The following UBA5 variants were observed in gnomAD, a reference collection of about 807,000 sequenced individuals.
The protein encoded by UBA5 is ubiquitin like modifier activating enzyme 5.
A neutral mutation model predicts 52.9 loss-of-function variants in UBA5; 28 were observed. The ratio of observed to expected loss-of-function variants is 0.53; its 90% CI spans 0.39 to 0.73. UBA5 has a LOEUF of 0.73. Among genes scored for constraint, UBA5 ranks in the 30% least tolerant of loss-of-function variants. The probability of loss-of-function intolerance (pLI) is 0.00; values close to 1 mark genes in which losing one functional copy is unlikely to be tolerated. For synonymous variants in UBA5, 135 were observed against 162.1 expected (o/e 0.83, Z 1.27); for missense variants, 388 against 492.7 (o/e 0.79, Z 2.01).
Position 132,676,526 on chromosome 3 carries a change from GATAATGGACT to G in UBA5, c.*1_*10del. ...TCATGGCCAAAATGAAGAATATGTA[GATAATGGACT>G]GGGATATATTGTATTTCTCATGTTA... On this transcript the variant is annotated 3_prime_UTR_variant, in exon 12 of 12. Transcript: ENST00000356232. The surrounding 1 kb of genome is among the most constrained non-coding windows in gnomAD (Gnocchi z 4.1). 2 of 1,599,508 alleles carry G rather than the reference GATAATGGACT, an allele frequency of 1.3e-6. No homozygotes were observed. Among genetic ancestry groups the G allele is most frequent in the Non-Finnish European group, 8.5e-7 (1 of 1,171,026 alleles).
At chr3:132,662,368 C>T (rs563983366) in intron 1 of UBA5, among the ~76,000 whole-genome samples, 9 of 152,234 alleles carry the variant, frequency 5.9e-5, no homozygotes, top group African/African-American at 1.9e-4. Flanking sequence ...GTATTGAGTA[C>T]TTATTGTGTG....
At chr3:132,662,836 A>G (rs1016104767) in intron 1 of UBA5, among the ~76,000 whole-genome samples, 2 of 152,200 alleles carry the variant, frequency 1.3e-5, no homozygotes, top group African/African-American at 4.8e-5. Flanking sequence ...GCAGTTGATT[A>G]ACCCAAACCG....
At chr3:132,672,924 G>A (rs1430538073) in intron 8 of UBA5, among the ~76,000 whole-genome samples, 2 of 152,068 alleles carry the variant, frequency 1.3e-5, no homozygotes, top group Non-Finnish European at 2.9e-5. Flanking sequence ...TCTAATTCAG[G>A]CTATTTATTT....
At chr3:132,660,230 C>G (rs574176889), upstream of UBA5, 90 of 522,558 alleles carry the variant, frequency 1.7e-4, 2 homozygotes, top group South Asian at 1.9e-3. The surrounding 1 kb of genome is among the most constrained non-coding windows in gnomAD (Gnocchi z 4.1). Flanking sequence ...GCCCTGGACA[C>G]TTATCACCCC....
intron 1 of UBA5, among the ~76,000 whole-genome samples, chr3:132,665,079 A>G (rs1409915531): frequency 6.6e-6 from 1 of 152,068 alleles, no homozygotes; most frequent in Non-Finnish European, 1.5e-5. Flanking sequence ...CAATATTGGG[A>G]AGTTGGTGGG....
In UBA5 at chr3:132,660,541, G is replaced by A. The variant is rs1434532239; in HGVS notation, c.4G>A (p.Ala2Thr). M[A>T]ESVERLQQRV... The stretch of plus-strand genomic sequence containing the variant: ...GTTGGCGGCCGGAGTCCCAGCCATG[G>A]CGGAGTCTGTGGAGCGCCTGCAGCA... The change falls in exon 1 of 12, where the codon GCG (alanine) becomes ACG (threonine). Residue 2 changes from alanine to threonine, a missense_variant. Physicochemically the swap from Ala to Thr is moderately conservative, Grantham distance 58 (BLOSUM62 0). Coordinates refer to ENST00000356232, the MANE Select transcript of UBA5 (RefSeq NM_024818.6). This position sits in a 1 kb window ranked among gnomAD's most constrained non-coding sequence, Gnocchi z 4.1. 13 of 1,548,864 alleles carry A rather than the reference G, an allele frequency of 8.4e-6. No individual in the cohort carries two copies. The highest frequency in any genetic ancestry group is 1.4e-5 in the African/African-American group (1 of 73,132).
rs1456351765 is a variant in UBA5 at position 132,675,430 on chromosome 3, A to T, written c.948+47A>T. 2.5e-6 allele frequency: 4 copies of T among 1,591,242 alleles called. No individual in the cohort carries two copies. The Admixed American group carries it at 5.1e-5, about 20-fold the overall frequency. ...TGCATGAGGGATCATATTGAATAGG[A>T]CAATACATAAACAGATTTGGAATAC... On this transcript the variant is annotated intron_variant, in intron 9 of 11. Coordinates refer to ENST00000356232, the MANE Select transcript of UBA5 (RefSeq NM_024818.6).
In UBA5 at chr3:132,663,374, A is replaced by G. The variant is rs143908605; in HGVS notation, c.162-2449A>G. On this transcript the variant is annotated intron_variant, in intron 1 of 11. Transcript: ENST00000356232. ...TTCATTAGAAAGAGTAAAATAGAAG[A>G]TTTCCAAGAATAATTGGGGCAGGTC... Among the ~76,000 whole-genome samples the G allele has an allele frequency of 1.2e-3, 183 of 152,270 alleles. 1 individual carries two copies. The highest frequency in any genetic ancestry group is 3.8e-3 in the African/African-American group (157 of 41,548).
intron 4 of UBA5, 143 bp from the exon 5 acceptor site, chr3:132,670,051 TCTCA>T: frequency 1.8e-6 from 1 of 562,328 alleles, no homozygotes; most frequent in Non-Finnish European, 3.2e-6. Flanking sequence ...AGAGACAGGG[TCTCA>T]CTCTGTCCCC....
At chr3:132,666,239 A>C in intron 3 of UBA5, 166 bp downstream of exon 3, 1 of 583,964 alleles carries the variant, frequency 1.7e-6, no homozygotes, top group Non-Finnish European at 3.0e-6. Flanking sequence ...CCCAAACAAA[A>C]GGTGATATTA....
intron 2 of UBA5, 55 bp from the exon 3 acceptor site, chr3:132,665,929 G>A (rs978787621): frequency 1.9e-6 from 3 of 1,610,578 alleles, no homozygotes; most frequent in Non-Finnish European, 2.5e-6. Context: ...ATAACTTCTG[G>A]TGACATATTT....
chr3:132,668,763 A>T, intron 3 of UBA5, 55 bp from the exon 4 acceptor site: 1 of 1,109,962 alleles, frequency 9.0e-7, no homozygotes, highest in Non-Finnish European at 1.3e-6. Flanking sequence ...TTATTTTTTG[A>T]TATGTTTAGT....
intron 1 of UBA5, among the ~76,000 whole-genome samples, chr3:132,664,330 G>T (rs911788948): frequency 1.3e-5 from 2 of 152,164 alleles, no homozygotes; most frequent in African/African-American, 4.8e-5. Flanking sequence ...AAGAGTATAT[G>T]TGTAGCTTCC....
rs974506956 is a variant in UBA5, at chr3:132,679,620, A to T, written c.*3094A>T. On this transcript the variant is annotated 3_prime_UTR_variant, in exon 12 of 12. Transcript: ENST00000356232. Reference sequence around the variant, plus strand: ...ACAAATTTTGGAGGTACAAAGAATAAATAATATTCTTAAGGTAGTTTTTCC... The same window carrying T: ...ACAAATTTTGGAGGTACAAAGAATATATAATATTCTTAAGGTAGTTTTTCC... Among the ~76,000 whole-genome samples, 2 of 152,200 alleles carry T rather than the reference A, an allele frequency of 1.3e-5. No homozygotes were observed. Among genetic ancestry groups the T allele is most frequent in the East Asian group, 3.8e-4 (2 of 5,200 alleles).
rs1938358580 is a variant in UBA5 at position 132,665,925 on chromosome 3, T to G, written c.207+57T>G. On this transcript the variant is annotated intron_variant, in intron 2 of 11. Coordinates refer to ENST00000356232, the MANE Select transcript of UBA5 (RefSeq NM_024818.6). ...ATTAATTCAGTAAATTAAAATAACT[T>G]CTGGTGACATATTTGATGAAGAGCT... is the stretch of plus-strand genomic sequence containing the variant. The G allele has an allele frequency of 5.0e-6, 8 of 1,610,748 alleles. No homozygotes were observed. In the East Asian group the frequency reaches 1.8e-4, roughly 36 times the overall value.
chr3:132,673,599 C>T (rs866172880), intron 8 of UBA5, among the ~76,000 whole-genome samples: 1 of 152,068 alleles, frequency 6.6e-6, no homozygotes, highest in Non-Finnish European at 1.5e-5. Flanking sequence ...CTGCCCACCT[C>T]AGCCTCCCAA....
upstream of UBA5, chr3:132,659,638 G>A (rs1323824315): frequency 6.2e-7 from 1 of 1,610,260 alleles, no homozygotes; most frequent in Admixed American, 1.7e-5. Flanking sequence ...CCTCACGTTC[G>A]GCCCCAAAGC....
intron 1 of UBA5, among the ~76,000 whole-genome samples, chr3:132,664,350 A>G (rs1938284026): frequency 6.6e-6 from 1 of 152,192 alleles, no homozygotes; most frequent in Admixed American, 6.5e-5. Flanking sequence ...CCACAATTAT[A>G]TGCCCTTTGC....
chr3:132,656,751 C>A (rs1172538269), upstream of UBA5, among the ~76,000 whole-genome samples: 1 of 152,132 alleles, frequency 6.6e-6, no homozygotes, highest in Non-Finnish European at 1.5e-5. Context: ...TTCAGCCTCC[C>A]AAAGTGCTGG....
Sources: allele counts gnomAD v4.1 joint callset (sites outside exome capture counted in the v4.1 genomes callset), GRCh38; gene constraint gnomAD v4.1.1; non-coding constraint Gnocchi (gnomAD v3.1); transcripts MANE v1.5; gene names NCBI Gene and HGNC (gene_info 2026-07-23, HGNC 2026-07-21).